Variants in COL7A1 observed in about 807,000 individuals in gnomAD.
The protein encoded by COL7A1 is collagen type VII alpha 1 chain, also known as collagen alpha-1(VII) chain.
In COL7A1, 296 loss-of-function variants were observed where a neutral mutation model predicts 456.2. That is an observed-to-expected ratio of 0.65 (90% CI 0.59 to 0.71). COL7A1 has a LOEUF of 0.71. COL7A1 is among the 30% of genes least tolerant of loss of function. COL7A1 has a pLI of 0.00. For synonymous variants in COL7A1, 1,464 were observed against 1,525.9 expected (o/e 0.96, Z 0.95); for missense variants, 3,441 against 4,017.2 (o/e 0.86, Z 3.88).
At chr3:48,584,168 G>T in intron 37 of COL7A1, 107 bp from the exon 38 acceptor site, 2 of 1,589,510 alleles carry the variant, frequency 1.3e-6, no homozygotes, top group Non-Finnish European at 1.7e-6. Context: ...GATTTTGGGA[G>T]AACTGAGGCG....
rs756995907 is a variant in COL7A1, at chr3:48,586,318, A to G, written c.3550+14T>C. On this transcript the variant is annotated intron_variant, in intron 27 of 118. Transcript: ENST00000681320. The surrounding 1 kb of genome is among the most constrained non-coding windows in gnomAD (Gnocchi z 5.1). Reference sequence around the variant, plus strand: ...CCTATTCCCAGACCCCTTCCCCATCAGCCTACTCCTTACCAGAAGCCTGGG... The same window carrying G: ...CCTATTCCCAGACCCCTTCCCCATCGGCCTACTCCTTACCAGAAGCCTGGG... 1 of 1,613,824 alleles carries G rather than the reference A, an allele frequency of 6.2e-7. No individual in the cohort carries two copies.
At position 48,592,428 on chromosome 3, in the gene COL7A1, G is replaced by A; in HGVS notation, c.1016C>T (p.Thr339Ile). 1 of 1,613,814 alleles carries A rather than the reference G, an allele frequency of 6.2e-7. No homozygotes were observed. The highest frequency in any genetic ancestry group is 1.7e-5 in the Admixed American group (1 of 60,026). The change falls in exon 9 of 119, where the codon ACA becomes ATA. Residue 339 changes from threonine (T) to isoleucine (I), a missense_variant. Thr to Ile is a moderately conservative substitution (Grantham distance 89). Coordinates refer to ENST00000681320, the MANE Select transcript of COL7A1 (RefSeq NM_000094.4). The surrounding 1 kb of genome is among the most constrained non-coding windows in gnomAD (Gnocchi z 7.6). ...EGPELTIQNT[T>I]AHSLLVAWRS... ...CCAGGCCACCAGGAGGCTGTGGGCTGTGGTATTCTGGATGGTCAGTTCCGG... is the reference window on the plus strand; with the variant it reads ...CCAGGCCACCAGGAGGCTGTGGGCTATGGTATTCTGGATGGTCAGTTCCGG...
rs2044594798 is a variant in COL7A1 at position 48,579,725 on chromosome 3, T to G, written c.5155-57A>C. The G allele has an allele frequency of 6.8e-6, 11 of 1,613,630 alleles. No homozygotes were observed. The South Asian group carries it at 1.1e-4, about 16-fold the overall frequency. ...CCTTGAAGCCAAGCCATGCCCAAGG[T>G]AGAACCTGCTGGGAGGGGCACTGGG... is the stretch of plus-strand genomic sequence containing the variant. On this transcript the variant is annotated intron_variant, in intron 58 of 118. Transcript: ENST00000681320. The surrounding 1 kb of genome is among the most constrained non-coding windows in gnomAD (Gnocchi z 4.4).
In COL7A1 at chr3:48,588,506, C is replaced by T; in HGVS notation, c.2588-102G>A. 6.3e-7 allele frequency: 1 copy of T among 1,597,468 alleles called. No individual in the cohort carries two copies. The highest frequency in any genetic ancestry group is 8.5e-7 in the Non-Finnish European group (1 of 1,174,258). On this transcript the variant is annotated intron_variant, in intron 20 of 118. Transcript: ENST00000681320. This position sits in a 1 kb window ranked among gnomAD's most constrained non-coding sequence, Gnocchi z 4.6. ...CGCACCCCGCCCAGCCTCTCAGACC[C>T]CTCTCCCTCCTCTCAGACCCTGCCC...
In COL7A1 at chr3:48,566,329, A is replaced by G; in HGVS notation, c.8359-14T>C. ...GATGTCATCCTCCTGGGAGCAGAAGACCACAGGGACCATAAAGAACCCATG... is the reference window on the plus strand; with the variant it reads ...GATGTCATCCTCCTGGGAGCAGAAGGCCACAGGGACCATAAAGAACCCATG... On this transcript the variant is annotated splice_polypyrimidine_tract_variant and intron_variant, in intron 113 of 118. Transcript: ENST00000681320. The surrounding 1 kb of genome is among the most constrained non-coding windows in gnomAD (Gnocchi z 5.9). The G allele has an allele frequency of 6.2e-7, 1 of 1,604,866 alleles. No individual in the cohort carries two copies. The highest frequency in any genetic ancestry group is 2.2e-5 in the East Asian group (1 of 44,568).
chr3:48,584,986 C>G (rs368469833), intron 33 of COL7A1, 41 bp from the exon 34 acceptor site: 1 of 1,613,574 alleles, frequency 6.2e-7, no homozygotes, highest in African/African-American at 1.3e-5. Flanking sequence ...GGAGCCACCC[C>G]ACCCACTCAG....
Position 48,594,241 on chromosome 3 carries a change from G to T in COL7A1, c.266+127C>A. The T allele has an allele frequency of 9.2e-7, 1 of 1,092,670 alleles. No homozygotes were observed. The highest frequency in any genetic ancestry group is 1.3e-6 in the Non-Finnish European group (1 of 748,474). The allele number at this position is 1,092,670 out of a possible 1,614,324, so 67.7% of individuals were successfully genotyped here. On this transcript the variant is annotated intron_variant, in intron 3 of 118. Coordinates refer to ENST00000681320, the MANE Select transcript of COL7A1 (RefSeq NM_000094.4). The surrounding 1 kb of genome is among the most constrained non-coding windows in gnomAD (Gnocchi z 5.5). ...CTCCAAAGGAGGTCCTGGCTAGGGGGTCTCTAGGTTCCCCAAAACTTGTTT... is the reference window on the plus strand; with the variant it reads ...CTCCAAAGGAGGTCCTGGCTAGGGGTTCTCTAGGTTCCCCAAAACTTGTTT...
chr3:48,573,936 G>T lies in COL7A1; in HGVS notation c.6502-46C>A, dbSNP rs755015778. 7.5e-6 allele frequency: 12 copies of T among 1,609,632 alleles called. No homozygotes were observed. In the Admixed American group the frequency reaches 1.8e-4, roughly 25 times the overall value. The stretch of plus-strand genomic sequence containing the variant: ...TGAGCCTCAATCTGGGCCTCACTTG[G>T]GCCTGTTCCCAACCTCTGGGGGCTT... On this transcript the variant is annotated intron_variant, in intron 80 of 118. Transcript: ENST00000681320. This position sits in a 1 kb window ranked among gnomAD's most constrained non-coding sequence, Gnocchi z 5.5.
chr3:48,583,165 G>T lies in COL7A1; in HGVS notation c.4444C>A (p.Arg1482=). 6.2e-7 allele frequency: 1 copy of T among 1,613,786 alleles called. No individual in the cohort carries two copies. ...TCACCCAGGGGCCCTGGAAAGCCCC[G>T]GTCACCCTGAAGAGAGAGGGTGAGA... ...PPGAIGPKGD[R]GFPGPLGEAG... is the part of the protein sequence containing the mutation. Residue 1482 remains arginine, a synonymous_variant, in exon 43 of 119, where the codon CGG becomes AGG. Coordinates refer to ENST00000681320, the MANE Select transcript of COL7A1 (RefSeq NM_000094.4). This position sits in a 1 kb window ranked among gnomAD's most constrained non-coding sequence, Gnocchi z 5.1.
Position 48,588,156 on chromosome 3 carries a change from T to A in COL7A1, c.2710+126A>T. 1 of 1,470,212 alleles carries A rather than the reference T, an allele frequency of 6.8e-7. No individual in the cohort carries two copies. The highest frequency in any genetic ancestry group is 2.4e-5 in the East Asian group (1 of 41,696). 91.1% of individuals were successfully genotyped at this position (1,470,212 alleles called of 1,614,324 possible). A position where few individuals can be genotyped will look rare whatever the true frequency, so the allele number is the denominator to read the frequency against. ...CACTTCATTGATTGATCTTACCTAC[T>A]GTCACGGATCCCGCAGACCCCCAGT... On this transcript the variant is annotated intron_variant, in intron 21 of 118. Transcript: ENST00000681320. The surrounding 1 kb of genome is among the most constrained non-coding windows in gnomAD (Gnocchi z 4.6).
chr3:48,567,879 C>T lies in COL7A1; in HGVS notation c.7888G>A (p.Val2630Met), dbSNP rs2043678793. ...GPRGLKGERG[V>M]KGACGLDGEK... The stretch of plus-strand genomic sequence containing the variant: ...CCATCAAGGCCACAGGCTCCCTTCA[C>T]TCCCCGTTCACCCTGAGGGAGAAAA... Residue 2630 changes from valine to methionine, a missense_variant, in exon 107 of 119, where the codon GTG becomes ATG. Transcript: ENST00000681320. The surrounding 1 kb of genome is among the most constrained non-coding windows in gnomAD (Gnocchi z 4.3). 6.2e-7 allele frequency: 1 copy of T among 1,614,064 alleles called. No individual in the cohort carries two copies. Among genetic ancestry groups the T allele is most frequent in the Non-Finnish European group, 8.5e-7 (1 of 1,180,044 alleles).
Position 48,592,470 on chromosome 3 carries a change from G to A in COL7A1, c.977-3C>T, listed in dbSNP as rs769936238. On this transcript the variant is annotated splice_polypyrimidine_tract_variant and splice_region_variant and intron_variant, in intron 8 of 118. Transcript: ENST00000681320. The surrounding 1 kb of genome is among the most constrained non-coding windows in gnomAD (Gnocchi z 7.6). The stretch of plus-strand genomic sequence containing the variant: ...CAGTTCCGGCCCTTCTAGGGCAGCT[G>A]GGGGAGAGTCCCACCAGGGATTCAT... 6 of 1,613,334 alleles carry A rather than the reference G, an allele frequency of 3.7e-6. No homozygotes were observed. The highest frequency in any genetic ancestry group is 5.1e-6 in the Non-Finnish European group (6 of 1,179,968).
Position 48,572,634 on chromosome 3 carries a change from G to C in COL7A1, c.6900+37C>G. On this transcript the variant is annotated intron_variant, in intron 88 of 118. Coordinates refer to ENST00000681320, the MANE Select transcript of COL7A1 (RefSeq NM_000094.4). This position sits in a 1 kb window ranked among gnomAD's most constrained non-coding sequence, Gnocchi z 4.6. ...ACAGGCTTGTGGGTGAGGCAGAGGA[G>C]TTGCTGCAGGGGGTGGAAGTCAGGG... 6.2e-7 allele frequency: 1 copy of C among 1,603,814 alleles called. No individual in the cohort carries two copies.
In COL7A1 at chr3:48,572,469, A is replaced by AC. The variant is rs369517546; in HGVS notation, c.6936+33dup. On this transcript the variant is annotated intron_variant, in intron 89 of 118. Transcript: ENST00000681320. The surrounding 1 kb of genome is among the most constrained non-coding windows in gnomAD (Gnocchi z 4.6). ...GGGATTCCTTGGCCCCCACCAGTTG[A>AC]CCCCCCCTCACTGGCAGCCCCACAC... 1.1e-5 allele frequency: 17 copies of AC among 1,580,458 alleles called. No individual in the cohort carries two copies. In the Middle Eastern group the frequency reaches 6.6e-4, roughly 62 times the overall value.
Position 48,594,313 on chromosome 3 carries a change from G to T in COL7A1, c.266+55C>A. 6.3e-7 allele frequency: 1 copy of T among 1,592,772 alleles called. No homozygotes were observed. The stretch of plus-strand genomic sequence containing the variant: ...TTTCCAGGGTCTCCTCCCTCTCTGG[G>T]GAAGGAGTCTTGGTGGGGATCTCGT... On this transcript the variant is annotated intron_variant, in intron 3 of 118. Transcript: ENST00000681320. This position sits in a 1 kb window ranked among gnomAD's most constrained non-coding sequence, Gnocchi z 5.5.
chr3:48,565,217 G>T lies in COL7A1; in HGVS notation c.8528-16C>A. On this transcript the variant is annotated splice_polypyrimidine_tract_variant and intron_variant, in intron 116 of 118. Transcript: ENST00000681320. The surrounding 1 kb of genome is among the most constrained non-coding windows in gnomAD (Gnocchi z 4.5). ...GGTACCCGCTCTGCAGGTAGGGCAG[G>T]GTGTGCTGGGAGCAGTGGCTGCTGG... 6.2e-7 allele frequency: 1 copy of T among 1,610,166 alleles called. No homozygotes were observed. The highest frequency in any genetic ancestry group is 1.1e-5 in the South Asian group (1 of 90,510).
rs553076230 is a variant in COL7A1 at position 48,579,853 on chromosome 3, A to G, written c.5125-39T>C. The stretch of plus-strand genomic sequence containing the variant: ...GACCAGTGAGAAGAATGGCTCAACA[A>G]GGGGAAGAGGAGTTGGCGAGGGGAT... On this transcript the variant is annotated intron_variant, in intron 57 of 118. Coordinates refer to ENST00000681320, the MANE Select transcript of COL7A1 (RefSeq NM_000094.4). This position sits in a 1 kb window ranked among gnomAD's most constrained non-coding sequence, Gnocchi z 4.4. 128 of 1,613,904 alleles carry G rather than the reference A, an allele frequency of 7.9e-5. 1 individual carries two copies. In the South Asian group the frequency reaches 1.4e-3, roughly 17 times the overall value.
chr3:48,585,588 G>T lies in COL7A1; in HGVS notation c.3863C>A (p.Pro1288His). The T allele has an allele frequency of 6.2e-7, 1 of 1,613,932 alleles. No individual in the cohort carries two copies. The highest frequency in any genetic ancestry group is 1.1e-5 in the South Asian group (1 of 91,078). Residue 1288 changes from proline to histidine, a missense_variant, in exon 32 of 119, where the codon CCC (proline) becomes CAC (histidine). By Grantham distance (77) the Pro-to-His change is moderately conservative (BLOSUM62 -2). Transcript: ENST00000681320. This position sits in a 1 kb window ranked among gnomAD's most constrained non-coding sequence, Gnocchi z 4.5. ...GCCCTTGGCAGTGGCACTTCCAGGG[G>T]GCCCCTGGGGGCCGGGAGCACCGGT... Reference protein sequence around the residue: ...GRTGAPGPQGPPGSATAKGER... With the variant: ...GRTGAPGPQGHPGSATAKGER...
chr3:48,590,480 T>C lies in COL7A1; in HGVS notation c.1885A>G (p.Ile629Val), dbSNP rs1575486213. ...TGACCACTGCCTGTGCTCCAGCTAATCCGAAATCCACTGGCTCCAGGGACG... is the reference window on the plus strand; with the variant it reads ...TGACCACTGCCTGTGCTCCAGCTAACCCGAAATCCACTGGCTCCAGGGACG... ...GPVPGASGFR[I>V]SWSTGSGPES... Residue 629 changes from isoleucine (I) to valine (V), a missense_variant, in exon 15 of 119, where the codon ATT becomes GTT. This residue lies in a region of COL7A1 where 913 missense variants were observed against 1,088.2 expected (regional missense o/e 0.84). Transcript: ENST00000681320. The surrounding 1 kb of genome is among the most constrained non-coding windows in gnomAD (Gnocchi z 4.6). The C allele has an allele frequency of 6.2e-7, 1 of 1,614,094 alleles. No individual in the cohort carries two copies. Among genetic ancestry groups the C allele is most frequent in the South Asian group, 1.1e-5 (1 of 91,088 alleles).
Sources: allele counts gnomAD v4.1 joint callset, GRCh38; gene constraint gnomAD v4.1.1; regional missense constraint gnomAD v4.1.1; non-coding constraint Gnocchi (gnomAD v3.1); transcripts MANE v1.5; gene names NCBI Gene and HGNC (gene_info 2026-07-23, HGNC 2026-07-21).